The following IMMP2L variants were observed in gnomAD, a reference collection of about 807,000 sequenced individuals.
IMMP2L encodes mitochondrial inner membrane protease subunit 2.
IMMP2L carries 18 observed loss-of-function variants against 19.3 expected under a neutral mutation model. That is an observed-to-expected ratio of 0.93 (90% CI 0.64 to 1.38). The LOEUF (loss-of-function observed/expected upper bound fraction) is 1.38, where lower values mean the gene tolerates loss of function less well. Among genes scored for constraint, IMMP2L ranks in the 40% most tolerant of loss-of-function variants. The pLI is 0.00. For missense variants in IMMP2L, 233 were observed against 218.2 expected (o/e 1.07, Z -0.43); for synonymous variants, 76 against 73.0 (o/e 1.04, Z -0.21).
chr7:110,914,893 C>T (rs907055912), intron 4 of IMMP2L, among the ~76,000 whole-genome samples: 2 of 152,098 alleles, frequency 1.3e-5, no homozygotes, highest in African/African-American at 4.8e-5. Context: ...AAAACCACAA[C>T]ATAGCACCTC....
chr7:110,706,170 C>T (rs981790619), intron 5 of IMMP2L, among the ~76,000 whole-genome samples: 2 of 152,056 alleles, frequency 1.3e-5, no homozygotes, highest in African/African-American at 4.8e-5. Context: ...TGGTGCAATC[C>T]TGGCTCACTG....
intron 5 of IMMP2L, among the ~76,000 whole-genome samples, chr7:110,779,420 G>A (rs1346863369): frequency 6.6e-6 from 1 of 151,940 alleles, no homozygotes; most frequent in African/African-American, 2.4e-5. Context: ...AGCAGGCACT[G>A]TTCTTACTAA....
chr7:111,276,520 G>T (rs1443138221), intron 3 of IMMP2L, among the ~76,000 whole-genome samples: 2 of 151,656 alleles, frequency 1.3e-5, no homozygotes, highest in Non-Finnish European at 1.5e-5. Flanking sequence ...CAAGAGGATT[G>T]GTATTAGTTC....
intron 3 of IMMP2L, among the ~76,000 whole-genome samples, chr7:111,478,782 G>A (rs1337559230): frequency 6.6e-6 from 1 of 152,038 alleles, no homozygotes; most frequent in Admixed American, 6.6e-5. Flanking sequence ...ATTACTGTGA[G>A]ACTGTTTCTA....
chr7:111,177,165 G>C (rs911181609), intron 3 of IMMP2L, among the ~76,000 whole-genome samples: 1 of 151,948 alleles, frequency 6.6e-6, no homozygotes, highest in African/African-American at 2.4e-5. Flanking sequence ...ACAATGCCCT[G>C]CTTTTATTTT....
rs147234093 is a variant in IMMP2L at position 110,885,898 on chromosome 7, T to A, written c.408+695A>T. 7.4e-3 allele frequency among the ~76,000 whole-genome samples: 1,121 copies of A among 152,194 alleles called. 11 individuals carry two copies. Among genetic ancestry groups the A allele is most frequent in the African/African-American group, 0.024 (978 of 41,556 alleles). On this transcript the variant is annotated intron_variant, in intron 5 of 5. Transcript: ENST00000405709. Reference sequence around the variant, plus strand: ...GGGGCTTCTGTACAAACACACCTTGTTAAAATGTGTTAAAATAATTATCTT... The same window carrying A: ...GGGGCTTCTGTACAAACACACCTTGATAAAATGTGTTAAAATAATTATCTT...
intron 3 of IMMP2L, among the ~76,000 whole-genome samples, chr7:111,081,266 G>A (rs1036555632): frequency 6.6e-5 from 10 of 152,190 alleles, no homozygotes; most frequent in Admixed American, 3.3e-4. Context: ...TATTAAAAAT[G>A]CGAGACTGCC....
chr7:110,977,056 G>A (rs960018434), intron 3 of IMMP2L, among the ~76,000 whole-genome samples: 14 of 151,822 alleles, frequency 9.2e-5, no homozygotes, highest in Admixed American at 5.3e-4. Context: ...AAACCTCCTC[G>A]GATCAGGCAA....
chr7:110,935,999 C>A (rs1249610934), intron 4 of IMMP2L, among the ~76,000 whole-genome samples: 1 of 152,062 alleles, frequency 6.6e-6, no homozygotes, highest in Admixed American at 6.6e-5. Flanking sequence ...TAGCCATATG[C>A]AGAAAACTGA....
intron 3 of IMMP2L, among the ~76,000 whole-genome samples, chr7:111,096,662 T>G (rs1426479760): frequency 6.6e-6 from 1 of 151,680 alleles, no homozygotes; most frequent in South Asian, 2.1e-4. Flanking sequence ...CTGGAAAAAA[T>G]GAGATGAGTA....
At chr7:111,043,395 A>T (rs1395798853) in intron 3 of IMMP2L, among the ~76,000 whole-genome samples, 1 of 151,928 alleles carries the variant, frequency 6.6e-6, no homozygotes, top group South Asian at 2.1e-4. Context: ...TTTCCTCTCA[A>T]CGTTAACATC....
intron 3 of IMMP2L, among the ~76,000 whole-genome samples, chr7:111,201,218 CCTA>C (rs1810068142): frequency 6.6e-6 from 1 of 152,036 alleles, no homozygotes; most frequent in African/African-American, 2.4e-5. Flanking sequence ...ATGCCTACAT[CCTA>C]CTACTATATA....
chr7:111,345,361 C>G (rs536701387), intron 3 of IMMP2L, among the ~76,000 whole-genome samples: 1 of 152,226 alleles, frequency 6.6e-6, no homozygotes, highest in South Asian at 2.1e-4. Flanking sequence ...ACCCACCACT[C>G]TGCAATAAGC....
At chr7:111,353,910 T>G (rs907027842) in intron 3 of IMMP2L, among the ~76,000 whole-genome samples, 2 of 152,152 alleles carry the variant, frequency 1.3e-5, no homozygotes, top group African/African-American at 4.8e-5. Context: ...CTTCTGTGTC[T>G]TCTGAAAACA....
intron 5 of IMMP2L, among the ~76,000 whole-genome samples, chr7:110,814,135 T>C (rs1802264246): frequency 6.6e-6 from 1 of 151,998 alleles, no homozygotes; most frequent in Non-Finnish European, 1.5e-5. Flanking sequence ...ACCATTTTAC[T>C]GTATTGTTTT....
intron 3 of IMMP2L, among the ~76,000 whole-genome samples, chr7:111,081,440 T>C (rs1441459531): frequency 6.6e-6 from 1 of 152,206 alleles, no homozygotes; most frequent in Non-Finnish European, 1.5e-5. Flanking sequence ...TTCTAGATTT[T>C]AGACATGCTA....
chr7:110,937,525 A>G (rs1563095022), intron 4 of IMMP2L, among the ~76,000 whole-genome samples: 1 of 152,146 alleles, frequency 6.6e-6, no homozygotes, highest in Non-Finnish European at 1.5e-5. Context: ...AACAGTTTCT[A>G]TTGGATGACT....
chr7:111,085,956 G>T (rs1047011450), intron 3 of IMMP2L, among the ~76,000 whole-genome samples: 1 of 152,102 alleles, frequency 6.6e-6, no homozygotes. Flanking sequence ...ACAGCCACTG[G>T]TGCCTCCTGG....
intron 3 of IMMP2L, among the ~76,000 whole-genome samples, chr7:111,483,051 T>C (rs1842330804): frequency 6.6e-6 from 1 of 152,182 alleles, no homozygotes; most frequent in Non-Finnish European, 1.5e-5. Context: ...GAATAAGGTC[T>C]AGACCTATTC....
Sources: gnomAD v4.1 joint callset for allele counts (sites outside exome capture counted in the v4.1 genomes callset) on GRCh38, gnomAD v4.1.1 for gene constraint, MANE v1.5 for transcripts, NCBI Gene and HGNC (gene_info 2026-07-23, HGNC 2026-07-21) for gene names.